The following CCDC33 variants were observed in gnomAD, a reference collection of about 807,000 sequenced individuals.
CCDC33 encodes the protein coiled-coil domain-containing protein 33.
In CCDC33, 94 loss-of-function variants were observed where a neutral mutation model predicts 91.9. The ratio of observed to expected loss-of-function variants is 1.02; its 90% CI spans 0.87 to 1.21. The LOEUF (loss-of-function observed/expected upper bound fraction) is 1.21. CCDC33 is among the 50% of genes most tolerant of loss of function. The probability of loss-of-function intolerance (pLI) is 0.00; values close to 1 mark genes in which losing one functional copy is unlikely to be tolerated. For missense variants in CCDC33, 940 were observed against 935.5 expected (o/e 1.00, Z -0.06); for synonymous variants, 396 against 374.5 (o/e 1.06, Z -0.66).
In CCDC33 at chr15:74,330,420, A is replaced by G; in HGVS notation, c.1456+66A>G. On this transcript the variant is annotated intron_variant, in intron 12 of 18. Coordinates refer to ENST00000398814, the MANE Select transcript of CCDC33 (RefSeq NM_025055.5). The stretch of plus-strand genomic sequence containing the variant: ...CTGGGCCCAGGCTCCAGGTTGTGCA[A>G]TAGGGTGGCTGGGAGCTTCTCCCAG... 11 of 1,468,060 alleles carry G rather than the reference A, an allele frequency of 7.5e-6. 1 individual carries two copies. The East Asian group carries it at 1.2e-4, about 16-fold the overall frequency. The allele number at this position is 1,468,060 out of a possible 1,614,324, so 90.9% of individuals were successfully genotyped here. A position where few individuals can be genotyped will look rare whatever the true frequency, so the allele number is the denominator to read the frequency against.
At chr15:74,252,110 A>G (rs2075728702) in intron 2 of CCDC33, among the ~76,000 whole-genome samples, 1 of 152,220 alleles carries the variant, frequency 6.6e-6, no homozygotes, top group South Asian at 2.1e-4. Context: ...GGATTTCAAA[A>G]TCTAAAAGCT....
At chr15:74,242,938 T>C (rs1450554252) in intron 1 of CCDC33, among the ~76,000 whole-genome samples, 1 of 152,206 alleles carries the variant, frequency 6.6e-6, no homozygotes, top group Non-Finnish European at 1.5e-5. Flanking sequence ...CTGTCCTCCC[T>C]GACTCCACTC....
chr15:74,315,897 G>C (rs754991930), intron 11 of CCDC33, among the ~76,000 whole-genome samples: 6 of 152,116 alleles, frequency 3.9e-5, no homozygotes, highest in Non-Finnish European at 8.8e-5. Context: ...CCGCCAAGCT[G>C]GGGGAAGGAA....
intron 11 of CCDC33, among the ~76,000 whole-genome samples, chr15:74,310,774 T>C (rs1437462688): frequency 6.6e-6 from 1 of 152,068 alleles, no homozygotes; most frequent in Non-Finnish European, 1.5e-5. Context: ...CATGGGGGAC[T>C]CTCAGGGATG....
rs2059343395 is a variant in CCDC33 at position 74,280,705 on chromosome 15, G to A, written c.927G>A (p.Leu309=). Residue 309 remains leucine, a synonymous_variant, in exon 9 of 19, where the codon CTG becomes CTA. Coordinates refer to ENST00000398814, the MANE Select transcript of CCDC33 (RefSeq NM_025055.5). ...GSQPWTLNQP[L]GISVLPLKSR... ...AGCCGTGGACCCTCAACCAGCCCCT[G>A]GGCATCTCTGTGTTGCCGCTAAAGA... 1 of 1,553,474 alleles carries A rather than the reference G, an allele frequency of 6.4e-7. No individual in the cohort carries two copies. The highest frequency in any genetic ancestry group is 1.2e-5 in the South Asian group (1 of 82,830).
At chr15:74,332,605 G>GC (rs2060462245) in intron 15 of CCDC33, 74 bp from the exon 16 acceptor site, 3 of 1,531,974 alleles carry the variant, frequency 2.0e-6, no homozygotes, top group Non-Finnish European at 2.7e-6. Flanking sequence ...GAAGCAAAAT[G>GC]CTGGAGCAGA....
At position 74,308,895 on chromosome 15, in the gene CCDC33, T is replaced by G. The variant is rs1342369529; in HGVS notation, c.1290+12947T>G. Reference sequence around the variant, plus strand: ...CTCCTCAGGCTGGGTAGGGAGCCATTCAGTAGGGAGCTGCCACGCTGGTAG... The same window carrying G: ...CTCCTCAGGCTGGGTAGGGAGCCATGCAGTAGGGAGCTGCCACGCTGGTAG... On this transcript the variant is annotated intron_variant, in intron 11 of 18. Transcript: ENST00000398814. 5.3e-5 allele frequency among the ~76,000 whole-genome samples: 8 copies of G among 152,076 alleles called. No individual in the cohort carries two copies. The East Asian group carries it at 1.2e-3, about 22-fold the overall frequency.
intron 10 of CCDC33, among the ~76,000 whole-genome samples, chr15:74,292,073 G>T (rs557778927): frequency 2.6e-4 from 40 of 152,372 alleles, no homozygotes; most frequent in Admixed American, 2.6e-3. Flanking sequence ...ACGAAGCCAT[G>T]GGGACAGGGG....
exon 2 of CCDC33, chr15:74,209,519 A>G: frequency 7.4e-7 from 1 of 1,356,670 alleles, no homozygotes; most frequent in Non-Finnish European, 1.0e-6. Context: ...ACAGGGCTTC[A>G]GGGCTGGAAT....
At chr15:74,276,730 C>T (rs1395225834) in intron 7 of CCDC33, among the ~76,000 whole-genome samples, 1 of 152,228 alleles carries the variant, frequency 6.6e-6, no homozygotes, top group Non-Finnish European at 1.5e-5. Context: ...TGCAGCCCCA[C>T]TGGACAGCTT....
intron 2 of CCDC33, among the ~76,000 whole-genome samples, chr15:74,247,943 G>T (rs1055546509): frequency 1.3e-5 from 2 of 152,266 alleles, no homozygotes; most frequent in African/African-American, 4.8e-5. Flanking sequence ...TTGGCGTGGT[G>T]GTGGGCACAT....
In CCDC33 at chr15:74,332,762, G is replaced by C. The variant is rs761796598; in HGVS notation, c.1855G>C (p.Ala619Pro). The C allele has an allele frequency of 1.2e-6, 2 of 1,614,188 alleles. No homozygotes were observed. The highest frequency in any genetic ancestry group is 3.3e-5 in the Admixed American group (2 of 60,032). Residue 619 changes from alanine to proline, a missense_variant, in exon 16 of 19, where the codon GCA becomes CCA. Ala to Pro is a conservative substitution (Grantham distance 27). Transcript: ENST00000398814. ...LPVELYSVLL[A>P]ENAKLRTELD... ...GGTTGAACTTTACTCGGTGCTGCTG[G>C]CAGAAAACGCGAAGCTGCGGACGGA...
chr15:74,283,453 C>A (rs1203779708), intron 10 of CCDC33, among the ~76,000 whole-genome samples: 1 of 152,206 alleles, frequency 6.6e-6, no homozygotes, highest in African/African-American at 2.4e-5. Context: ...AGAACAGTTT[C>A]CCCATTGCCC....
rs543577376 is a variant in CCDC33, at chr15:74,208,692, CT to C, written n.90-695del. On this transcript the variant is annotated intron_variant and non_coding_transcript_variant, in intron 1 of 3. Coordinates refer to the CCDC33 transcript ENST00000558645. Reference sequence around the variant, plus strand: ...CCATCACTCTGCTCACTTCCTGCCCCTAGGCTCTGACTCCTGCTCACTTCCC... The same window carrying C: ...CCATCACTCTGCTCACTTCCTGCCCCAGGCTCTGACTCCTGCTCACTTCCC... 9.3e-4 allele frequency: 920 copies of C among 986,696 alleles called. 3 individuals carry two copies. The highest frequency in any genetic ancestry group is 7.8e-3 in the South Asian group (166 of 21,320). 61.1% of individuals were successfully genotyped at this position (986,696 alleles called of 1,614,324 possible).
At position 74,330,260 on chromosome 15, in the gene CCDC33, C is replaced by T. The variant is rs1457208075; in HGVS notation, c.1362C>T (p.Ser454=). ...EDILSLRRQA[S]ILEGENRILR... is the part of the protein sequence containing the mutation. Reference sequence around the variant, plus strand: ...TCCTGTCTCTGCGGAGACAGGCCAGCATCCTGGAAGGAGAGAACCGCATAC... The same window carrying T: ...TCCTGTCTCTGCGGAGACAGGCCAGTATCCTGGAAGGAGAGAACCGCATAC... Residue 454 remains serine, a synonymous_variant, in exon 12 of 19, where the codon AGC becomes AGT. Transcript: ENST00000398814. 1 of 1,612,996 alleles carries T rather than the reference C, an allele frequency of 6.2e-7. No homozygotes were observed. Among genetic ancestry groups the T allele is most frequent in the East Asian group, 2.2e-5 (1 of 44,824 alleles).
upstream of CCDC33, among the ~76,000 whole-genome samples, chr15:74,213,781 G>A (rs1007873276): frequency 2.0e-5 from 3 of 152,182 alleles, no homozygotes; most frequent in Non-Finnish European, 1.5e-5. Context: ...AAGTGGGCCT[G>A]GGGTGACGTA....
chr15:74,318,689 G>A, intron 11 of CCDC33: 1 of 752,082 alleles, frequency 1.3e-6, no homozygotes, highest in Non-Finnish European at 2.5e-6. Flanking sequence ...CTGGTTCTGG[G>A]AAGATGGGTT....
chr15:74,307,908 T>TCCCCC (rs2059920867), intron 11 of CCDC33, among the ~76,000 whole-genome samples: 1 of 143,212 alleles, frequency 7.0e-6, no homozygotes, highest in Non-Finnish European at 1.5e-5. Flanking sequence ...ACCCCACCCA[T>TCCCCC]CCCCTTTTCT....
chr15:74,284,714 A>G (rs570416024), intron 10 of CCDC33, among the ~76,000 whole-genome samples: 1 of 152,386 alleles, frequency 6.6e-6, no homozygotes, highest in Non-Finnish European at 1.5e-5. Flanking sequence ...AAACAAGGTG[A>G]CATGATACGG....
Sources: allele counts gnomAD v4.1 joint callset (sites outside exome capture counted in the v4.1 genomes callset), GRCh38; gene constraint gnomAD v4.1.1; transcripts MANE v1.5; gene names NCBI Gene and HGNC (gene_info 2026-07-23, HGNC 2026-07-21).